The following FBXO38 variants were observed in gnomAD, a reference collection of about 807,000 sequenced individuals.
The protein encoded by FBXO38 is F-box only protein 38.
A neutral mutation model predicts 131.9 loss-of-function variants in FBXO38; 53 were observed. That is an observed-to-expected ratio of 0.40 (90% CI 0.32 to 0.51). FBXO38 has a LOEUF of 0.51. FBXO38 is among the 20% of genes least tolerant of loss of function. FBXO38 has a pLI of 0.53. For missense variants in FBXO38, 1,076 were observed against 1,475.6 expected, an observed-to-expected ratio of 0.73 and a Z score of 4.44; for synonymous variants, 452 against 505.6, an observed-to-expected ratio of 0.89 and a Z score of 1.42.
chr5:148,423,125 T>G (rs1378324216), intron 12 of FBXO38, among the ~76,000 whole-genome samples: 3 of 152,204 alleles, frequency 2.0e-5, no homozygotes, highest in Non-Finnish European at 4.4e-5. Context: ...CCTTTGAACT[T>G]TTGAACTGTT....
intron 8 of FBXO38, chr5:148,410,249 G>C (rs1752673205): frequency 5.7e-6 from 1 of 176,754 alleles, no homozygotes; most frequent in Admixed American, 6.3e-5. Context: ...TGTTGTGAGA[G>C]GGACCCAGTG....
At chr5:148,403,715 T>A (rs1340573606) in intron 5 of FBXO38, among the ~76,000 whole-genome samples, 1 of 152,186 alleles carries the variant, frequency 6.6e-6, no homozygotes, top group Non-Finnish European at 1.5e-5. Flanking sequence ...TAGGTTACAA[T>A]AAGAACATTT....
chr5:148,432,755 A>C (rs1384217995), intron 15 of FBXO38, among the ~76,000 whole-genome samples: 1 of 152,242 alleles, frequency 6.6e-6, no homozygotes, highest in Non-Finnish European at 1.5e-5. Flanking sequence ...ACAAAGATGA[A>C]TTAAGAGAGT....
chr5:148,437,621 C>T (rs942912381), intron 17 of FBXO38, among the ~76,000 whole-genome samples: 4 of 151,776 alleles, frequency 2.6e-5, no homozygotes, highest in African/African-American at 9.7e-5. Context: ...GAAAATTGGA[C>T]CAGGTTGAAA....
Position 148,437,482 on chromosome 5 carries a change from C to T in FBXO38, c.2858-850C>T, listed in dbSNP as rs534260718. Among the ~76,000 whole-genome samples the T allele has an allele frequency of 2.6e-5, 4 of 152,148 alleles. No homozygotes were observed. In the East Asian group the frequency reaches 7.7e-4, roughly 29 times the overall value. On this transcript the variant is annotated intron_variant, in intron 17 of 21. Transcript: ENST00000340253. ...GTTAGTTACATTAGATTGCACAAGA[C>T]GATGATGACATTTGGGTCAAGGATG...
At chr5:148,411,389 A>G (rs1752744697) in intron 9 of FBXO38, among the ~76,000 whole-genome samples, 1 of 152,202 alleles carries the variant, frequency 6.6e-6, no homozygotes, top group East Asian at 1.9e-4. Flanking sequence ...TAAGATATGA[A>G]AGAAAATTTT....
intron 2 of FBXO38, among the ~76,000 whole-genome samples, chr5:148,395,845 A>G (rs1210601613): frequency 6.6e-6 from 1 of 152,046 alleles, no homozygotes; most frequent in African/African-American, 2.4e-5. Flanking sequence ...CCCTTGTCTG[A>G]CATCTAGATA....
At position 148,404,740 on chromosome 5, in the gene FBXO38, G is replaced by A; in HGVS notation, c.648G>A (p.Lys216=). Residue 216 remains lysine, a synonymous_variant, in exon 6 of 22, where the codon AAG becomes AAA. Transcript: ENST00000340253. Reference sequence around the variant, plus strand: ...CAATGCTAAGGCACCTTTATATGAAGTGGGTAAGACTCACTAAACCACAGC... The same window carrying A: ...CAATGCTAAGGCACCTTTATATGAAATGGGTAAGACTCACTAAACCACAGC... ...CIPMLRHLYM[K]WVRLTKPQPF... 6.2e-7 allele frequency: 1 copy of A among 1,602,780 alleles called. No individual in the cohort carries two copies. The highest frequency in any genetic ancestry group is 8.5e-7 in the Non-Finnish European group (1 of 1,175,918).
At chr5:148,433,796 A>T in intron 17 of FBXO38, 59 bp downstream of exon 17, 1 of 870,516 alleles carries the variant, frequency 1.1e-6, no homozygotes, top group Non-Finnish European at 1.8e-6. Context: ...AGAATTAGGA[A>T]CTCATAAATA....
chr5:148,430,120 G>A (rs116120201), intron 15 of FBXO38: 4 of 148,886 alleles, frequency 2.7e-5, no homozygotes, highest in Non-Finnish European at 4.5e-5. Context: ...AGTTATTTGG[G>A]TAGCTTACAA....
chr5:148,410,887 C>G (rs1752709814), intron 9 of FBXO38, 122 bp downstream of exon 9: 1 of 840,874 alleles, frequency 1.2e-6, no homozygotes, highest in Non-Finnish European at 1.8e-6. Context: ...CTTAGGTGCT[C>G]TCACGTCTTG....
chr5:148,425,712 G>A lies in FBXO38; in HGVS notation c.1918+11G>A, dbSNP rs746955866. The stretch of plus-strand genomic sequence containing the variant: ...CCAGAGAATTGTCAGGTGAGAAATT[G>A]TCTTTCTCTGAACTATTAATGAGAG... On this transcript the variant is annotated intron_variant, in intron 14 of 21. Transcript: ENST00000340253. The A allele has an allele frequency of 1.5e-5, 24 of 1,609,926 alleles. No homozygotes were observed. Among genetic ancestry groups the A allele is most frequent in the Non-Finnish European group, 1.8e-5 (21 of 1,177,500 alleles).
intron 2 of FBXO38, among the ~76,000 whole-genome samples, chr5:148,397,039 G>A (rs367981421): frequency 6.6e-6 from 1 of 152,180 alleles, no homozygotes; most frequent in Admixed American, 6.5e-5. Flanking sequence ...TTGACAGCAC[G>A]TAGAAAGAAC....
chr5:148,402,095 T>C lies in FBXO38; in HGVS notation c.376T>C (p.Phe126Leu), dbSNP rs756706023. The change falls in exon 4 of 22, where the codon TTT becomes CTT. Residue 126 changes from phenylalanine (F) to leucine (L), a missense_variant. Phe to Leu is a conservative substitution (Grantham distance 22). This residue lies in a region of FBXO38 where 96 missense variants were observed against 193.9 expected (regional missense o/e 0.50). Coordinates refer to ENST00000340253, the MANE Select transcript of FBXO38 (RefSeq NM_205836.3). ...GCGAAGAGTAAGGGGCCATGAGGCT[T>C]TTAGCATTCCAGGAGTCCTAGAAGC... ...ERRRVRGHEA[F>L]SIPGVLEALQ... The C allele has an allele frequency of 3.7e-6, 6 of 1,613,526 alleles. No individual in the cohort carries two copies. The highest frequency in any genetic ancestry group is 5.1e-6 in the Non-Finnish European group (6 of 1,179,646).
rs1250163654 is a variant in FBXO38 at position 148,433,680 on chromosome 5, A to T, written c.2800A>T (p.Asn934Tyr). Residue 934 changes from asparagine to tyrosine, a missense_variant, in exon 17 of 22, where the codon AAT becomes TAT. By Grantham distance (143) the Asn-to-Tyr change is moderately radical (BLOSUM62 -2). Transcript: ENST00000340253. ...SKNLVGVTMT[N>Y]CGITDLVLKD... ...GAATCTTGTTGGAGTCACTATGACC[A>T]ATTGTGGAATCACAGATCTAGTGCT... The T allele has an allele frequency of 1.2e-6, 2 of 1,611,972 alleles. No homozygotes were observed. The highest frequency in any genetic ancestry group is 1.3e-5 in the African/African-American group (1 of 74,976).
chr5:148,409,424 A>G (rs543750524), intron 8 of FBXO38, among the ~76,000 whole-genome samples: 2 of 152,262 alleles, frequency 1.3e-5, no homozygotes, highest in African/African-American at 4.8e-5. Context: ...GTTGAGCTGC[A>G]TACTAGCAAG....
At position 148,438,895 on chromosome 5, in the gene FBXO38, T is replaced by C. The variant is rs1754507473; in HGVS notation, c.3024+397T>C. On this transcript the variant is annotated intron_variant, in intron 18 of 21. Coordinates refer to ENST00000340253, the MANE Select transcript of FBXO38 (RefSeq NM_205836.3). ...TGCTAGTATATAGTAAGCCATCATATAACTACTGTTAGTGTCATTATCATT... is the reference window on the plus strand; with the variant it reads ...TGCTAGTATATAGTAAGCCATCATACAACTACTGTTAGTGTCATTATCATT... Among the ~76,000 whole-genome samples the C allele has an allele frequency of 2.0e-5, 3 of 152,216 alleles. No homozygotes were observed. In the South Asian group the frequency reaches 6.2e-4, roughly 31 times the overall value.
At chr5:148,391,446 C>T (rs1758189121) in intron 1 of FBXO38, among the ~76,000 whole-genome samples, 1 of 152,180 alleles carries the variant, frequency 6.6e-6, no homozygotes, top group Non-Finnish European at 1.5e-5. Context: ...GAAGCTTTTA[C>T]AGAGGACTTA....
At chr5:148,420,431 A>G (rs1430684533) in intron 12 of FBXO38, among the ~76,000 whole-genome samples, 2 of 152,060 alleles carry the variant, frequency 1.3e-5, no homozygotes, top group Non-Finnish European at 2.9e-5. Context: ...GTGCCCCACA[A>G]TGTTGCTGTT....
Sources: gnomAD v4.1 joint callset for allele counts (sites outside exome capture counted in the v4.1 genomes callset) on GRCh38, gnomAD v4.1.1 for gene constraint, gnomAD v4.1.1 regional missense constraint, MANE v1.5 for transcripts, NCBI Gene and HGNC (gene_info 2026-07-23, HGNC 2026-07-21) for gene names.